Variants in RGS7 observed in about 807,000 individuals in gnomAD.
RGS7 encodes regulator of G protein signaling 7.
In RGS7, 27 loss-of-function variants were observed where a neutral mutation model predicts 81.1. The observed-to-expected ratio is 0.33, with a 90% confidence interval of 0.25 to 0.46. The LOEUF (loss-of-function observed/expected upper bound fraction) is 0.46. Among genes scored for constraint, RGS7 ranks in the 20% least tolerant of loss-of-function variants. The pLI, the probability that RGS7 is intolerant of heterozygous loss-of-function variation, is 1.00. For missense variants in RGS7, 396 were observed against 607.4 expected (o/e 0.65, Z 3.66); for synonymous variants, 208 against 207.7 (o/e 1.00, Z -0.01).
chr1:241,101,769 T>C (rs1310289256), intron 2 of RGS7, among the ~76,000 whole-genome samples: 1 of 152,204 alleles, frequency 6.6e-6, no homozygotes, highest in African/African-American at 2.4e-5. Flanking sequence ...TAAACCCTTG[T>C]ATTATCTGCT....
chr1:241,283,385 T>C (rs1252358841), intron 2 of RGS7, among the ~76,000 whole-genome samples: 4 of 152,198 alleles, frequency 2.6e-5, no homozygotes, highest in African/African-American at 9.6e-5. Context: ...TGATTCCTCC[T>C]TCATTCCTGA....
chr1:240,921,409 T>A (rs1243308679), intron 6 of RGS7, among the ~76,000 whole-genome samples: 1 of 152,052 alleles, frequency 6.6e-6, no homozygotes, highest in Admixed American at 6.6e-5. Context: ...CTATTTGCCA[T>A]TGTACTGGAG....
intron 18 of RGS7, among the ~76,000 whole-genome samples, chr1:240,794,705 CTG>C (rs913559648): frequency 3.9e-5 from 6 of 152,202 alleles, no homozygotes; most frequent in African/African-American, 1.2e-4. Context: ...AGATTTGACA[CTG>C]TACTGCACTG....
intron 5 of RGS7, among the ~76,000 whole-genome samples, chr1:240,936,328 C>CT (rs1459378505): frequency 6.6e-6 from 1 of 152,230 alleles, no homozygotes; most frequent in East Asian, 1.9e-4. Context: ...CATTAAGTCA[C>CT]TTTATGAATT....
At chr1:241,048,813 C>T (rs999473962) in intron 3 of RGS7, among the ~76,000 whole-genome samples, 1 of 152,124 alleles carries the variant, frequency 6.6e-6, no homozygotes, top group African/African-American at 2.4e-5. Context: ...AAACAACAGA[C>T]ATTTATTGTC....
chr1:240,971,125 G>A (rs1683146231), intron 4 of RGS7, among the ~76,000 whole-genome samples: 1 of 152,140 alleles, frequency 6.6e-6, no homozygotes, highest in Admixed American at 6.5e-5. Flanking sequence ...CTTATGAATG[G>A]AATTAGTGCT....
chr1:240,841,564 T>C (rs892361102), intron 9 of RGS7, among the ~76,000 whole-genome samples: 1 of 142,474 alleles, frequency 7.0e-6, no homozygotes, highest in African/African-American at 2.6e-5. Flanking sequence ...GTGCAGTACT[T>C]TGACATTTTT....
At chr1:241,202,647 C>T (rs375452703) in intron 2 of RGS7, among the ~76,000 whole-genome samples, 3 of 152,218 alleles carry the variant, frequency 2.0e-5, no homozygotes, top group African/African-American at 7.2e-5. Flanking sequence ...CTCTCTGAAG[C>T]TTTCCTTCCT....
intron 2 of RGS7, among the ~76,000 whole-genome samples, chr1:241,210,142 C>A (rs1553285597): frequency 6.6e-6 from 1 of 151,586 alleles, no homozygotes; most frequent in Non-Finnish European, 1.5e-5. Flanking sequence ...GGAATGCAAC[C>A]ATATATATAT....
At chr1:240,928,722 C>T (rs965211978) in intron 6 of RGS7, among the ~76,000 whole-genome samples, 1 of 151,616 alleles carries the variant, frequency 6.6e-6, no homozygotes, top group African/African-American at 2.4e-5. Flanking sequence ...GATTCTCCTG[C>T]CTCAGCCTCC....
intron 6 of RGS7, among the ~76,000 whole-genome samples, chr1:240,888,301 A>G (rs1260655830): frequency 6.6e-6 from 1 of 152,200 alleles, no homozygotes; most frequent in African/African-American, 2.4e-5. Flanking sequence ...GAATTTCAAG[A>G]ATCCTAAAAC....
At chr1:241,320,671 G>A (rs904590847) in intron 2 of RGS7, among the ~76,000 whole-genome samples, 2 of 152,156 alleles carry the variant, frequency 1.3e-5, no homozygotes, top group Non-Finnish European at 2.9e-5. Flanking sequence ...GCCAGGTTTG[G>A]TGTTAGGCAC....
chr1:241,010,973 G>A (rs911362168), intron 3 of RGS7, among the ~76,000 whole-genome samples: 1 of 152,018 alleles, frequency 6.6e-6, no homozygotes, highest in East Asian at 1.9e-4. Flanking sequence ...CATAAATCAC[G>A]TGCAATCAAC....
At chr1:241,265,181 C>A (rs2077522428) in intron 2 of RGS7, among the ~76,000 whole-genome samples, 1 of 152,240 alleles carries the variant, frequency 6.6e-6, no homozygotes, top group Non-Finnish European at 1.5e-5. Context: ...GCTGTTCCTG[C>A]AGTGGCCTCC....
chr1:240,780,905 C>T (rs1683918960), intron 18 of RGS7, among the ~76,000 whole-genome samples: 1 of 134,056 alleles, frequency 7.5e-6, no homozygotes, highest in Non-Finnish European at 1.5e-5. Context: ...CAGAGCGAGA[C>T]TCTGTCTCAA....
chr1:240,837,441 G>C (rs748667588), intron 9 of RGS7, among the ~76,000 whole-genome samples: 29 of 152,156 alleles, frequency 1.9e-4, no homozygotes, highest in Non-Finnish European at 3.7e-4. Context: ...TATATCCTGG[G>C]TTGGCATATT....
intron 9 of RGS7, among the ~76,000 whole-genome samples, chr1:240,840,350 T>C (rs1657708074): frequency 6.6e-6 from 1 of 152,068 alleles, no homozygotes; most frequent in South Asian, 2.1e-4. Flanking sequence ...CTCAGCTCAC[T>C]GCAACTTCCG....
chr1:241,306,354 T>G (rs902359998), intron 2 of RGS7, among the ~76,000 whole-genome samples: 14 of 148,110 alleles, frequency 9.5e-5, no homozygotes, highest in African/African-American at 3.3e-4. Flanking sequence ...CATGTACATA[T>G]ACACACATGT....
intron 2 of RGS7, among the ~76,000 whole-genome samples, chr1:241,238,880 CT>C (rs1191423133): frequency 6.6e-6 from 1 of 151,202 alleles, no homozygotes; most frequent in Admixed American, 6.6e-5. Flanking sequence ...GCCTGATGAA[CT>C]TTTTGATTTG....
Sources: gnomAD v4.1 joint callset for allele counts (sites outside exome capture counted in the v4.1 genomes callset) on GRCh38, gnomAD v4.1.1 for gene constraint, MANE v1.5 for transcripts, NCBI Gene and HGNC (gene_info 2026-07-23, HGNC 2026-07-21) for gene names.